The following MROH2A variants were observed in gnomAD, a reference collection of about 807,000 sequenced individuals.
MROH2A encodes the protein maestro heat like repeat family member 2A.
MROH2A carries 174 observed loss-of-function variants against 200.4 expected under a neutral mutation model. The observed-to-expected ratio is 0.87, with a 90% CI of 0.77 to 0.98. The LOEUF (loss-of-function observed/expected upper bound fraction) is 0.98, where lower values mean the gene tolerates loss of function less well. Ranked by LOEUF, MROH2A falls within the 50% of genes least tolerant of loss-of-function variation. The pLI is 0.00. For missense variants in MROH2A, 2,045 were observed against 2,139.6 expected, an observed-to-expected ratio of 0.96 and a Z score of 0.87; for synonymous variants, 829 against 840.4, an observed-to-expected ratio of 0.99 and a Z score of 0.23.
intron 3 of MROH2A, among the ~76,000 whole-genome samples, chr2:233,788,809 G>T (rs1427746027): frequency 1.3e-5 from 2 of 151,826 alleles, no homozygotes; most frequent in Non-Finnish European, 2.9e-5. Context: ...CGTGGTGGCG[G>T]GCGCCTGTAG....
Position 233,823,606 on chromosome 2 carries a change from T to G in MROH2A, c.4055T>G (p.Val1352Gly), listed in dbSNP as rs1180496640. The G allele has an allele frequency of 1.3e-6, 2 of 1,550,274 alleles. No individual in the cohort carries two copies. Among genetic ancestry groups the G allele is most frequent in the Non-Finnish European group, 1.7e-6 (2 of 1,146,958 alleles). The change falls in exon 35 of 42, where the codon GTG (valine) becomes GGG (glycine). Residue 1352 changes from valine (V) to glycine (G), a missense_variant. Transcript: ENST00000389758. ...CACAGGCAGAGGCTGGCCGAGCTGGTGCTCAGGGGCATGGACTCAGAAGTC... is the reference window on the plus strand; with the variant it reads ...CACAGGCAGAGGCTGGCCGAGCTGGGGCTCAGGGGCATGGACTCAGAAGTC... ...EGHRQRLAEL[V>G]LRGMDSEVLS...
Position 233,805,002 on chromosome 2 carries a change from A to G in MROH2A, c.1945-2A>G, listed in dbSNP as rs374106830. The G allele has an allele frequency of 6.5e-7, 1 of 1,545,726 alleles. No homozygotes were observed. Among genetic ancestry groups the G allele is most frequent in the Middle Eastern group, 1.7e-4 (1 of 5,958 alleles). ...TCTCACCAACGTCTTGTGCCTCCCC[A>G]GTTTCTGCGAAACTCCCTCAAGAAG... On this transcript the variant is annotated splice_acceptor_variant, in intron 18 of 41. Transcript: ENST00000389758. LOFTEE classifies it high-confidence loss of function.
chr2:233,785,334 C>T (rs1482476321), intron 3 of MROH2A, among the ~76,000 whole-genome samples: 3 of 151,832 alleles, frequency 2.0e-5, no homozygotes, highest in Admixed American at 6.6e-5. Flanking sequence ...ATGGTGGCAC[C>T]TGTCTGTAGT....
Position 233,807,195 on chromosome 2 carries a change from ATATGTATG to A in MROH2A, c.2053-220_2053-213del, listed in dbSNP as rs1417687737. Reference sequence around the variant, plus strand: ...CTGATATATGTATATATAAACTGATATATGTATGTATGTATATATCAGTTTCTTTATCC... The same window carrying A: ...CTGATATATGTATATATAAACTGATATATGTATATATCAGTTTCTTTATCC... On this transcript the variant is annotated intron_variant, in intron 19 of 41. Transcript: ENST00000389758. The surrounding 1 kb of genome is among the most constrained non-coding windows in gnomAD (Gnocchi z 4.3). Among the ~76,000 whole-genome samples, 1 of 152,050 alleles carries A rather than the reference ATATGTATG, an allele frequency of 6.6e-6. No homozygotes were observed. Among genetic ancestry groups the A allele is most frequent in the Non-Finnish European group, 1.5e-5 (1 of 68,022 alleles).
intron 26 of MROH2A, among the ~76,000 whole-genome samples, chr2:233,815,364 A>C (rs574424084): frequency 1.1e-4 from 16 of 152,290 alleles, no homozygotes; most frequent in Non-Finnish European, 1.2e-4. Context: ...TGGCCTTTTT[A>C]TTGATTTCCC....
chr2:233,812,136 G>A lies in MROH2A; in HGVS notation c.2651+177G>A, dbSNP rs181231302. 1.7e-3 allele frequency among the ~76,000 whole-genome samples: 263 copies of A among 152,308 alleles called. 1 individual carries two copies. Among genetic ancestry groups the A allele is most frequent in the African/African-American group, 5.9e-3 (246 of 41,562 alleles). Reference sequence around the variant, plus strand: ...GCCTAGATGATGGGGGTCGGCCTCAGCCACTCTTTTCTATAATTCTCAGCC... The same window carrying A: ...GCCTAGATGATGGGGGTCGGCCTCAACCACTCTTTTCTATAATTCTCAGCC... On this transcript the variant is annotated intron_variant, in intron 24 of 41. Transcript: ENST00000389758.
intron 8 of MROH2A, 57 bp from the exon 9 acceptor site, chr2:233,795,596 G>C: frequency 6.4e-7 from 1 of 1,550,570 alleles, no homozygotes; most frequent in Non-Finnish European, 8.7e-7. Context: ...CGAGGGTCTA[G>C]AGTTTGACCT....
intron 11 of MROH2A, among the ~76,000 whole-genome samples, chr2:233,797,813 T>C (rs143593536): frequency 1.1e-3 from 173 of 152,256 alleles, no homozygotes; most frequent in African/African-American, 4.1e-3. Flanking sequence ...CAACTCCCAC[T>C]TATGAGTGAG....
At chr2:233,810,970 C>A in intron 23 of MROH2A, 54 bp downstream of exon 23, 7 of 1,538,544 alleles carry the variant, frequency 4.5e-6, no homozygotes, top group Non-Finnish European at 6.1e-6. Context: ...GGGTCTAACT[C>A]CCTGCGGTGA....
chr2:233,827,869 C>T (rs1704421627), intron 35 of MROH2A, among the ~76,000 whole-genome samples: 1 of 151,446 alleles, frequency 6.6e-6, no homozygotes, highest in Non-Finnish European at 1.5e-5. Context: ...AGGAATTTTC[C>T]CTGAAGAGCA....
In MROH2A at chr2:233,807,366, C is replaced by T; in HGVS notation, c.2053-57C>T. The T allele has an allele frequency of 6.7e-7, 1 of 1,496,864 alleles. No individual in the cohort carries two copies. 92.7% of individuals were successfully genotyped at this position (1,496,864 alleles called of 1,614,324 possible). The stretch of plus-strand genomic sequence containing the variant: ...CGTAGAAAACTCTCTACAACAGCAC[C>T]CCCTGAAGGCTGGCTGTAGGGAGGC... On this transcript the variant is annotated intron_variant, in intron 19 of 41. Transcript: ENST00000389758. This position sits in a 1 kb window ranked among gnomAD's most constrained non-coding sequence, Gnocchi z 4.3.
intron 17 of MROH2A, 132 bp downstream of exon 17, chr2:233,804,324 G>A: frequency 7.1e-7 from 1 of 1,412,178 alleles, no homozygotes; most frequent in Non-Finnish European, 9.6e-7. Flanking sequence ...CTTTTGTCCT[G>A]AGAACTGGTT....
chr2:233,828,816 T>G lies in MROH2A; in HGVS notation c.4263+37T>G, dbSNP rs1704509511. 6.5e-7 allele frequency: 1 copy of G among 1,548,716 alleles called. No homozygotes were observed. Among genetic ancestry groups the G allele is most frequent in the Non-Finnish European group, 8.7e-7 (1 of 1,145,896 alleles). On this transcript the variant is annotated intron_variant, in intron 36 of 41. Coordinates refer to ENST00000389758, the MANE Select transcript of MROH2A (RefSeq NM_001394639.1). The surrounding 1 kb of genome is among the most constrained non-coding windows in gnomAD (Gnocchi z 4.6). Reference sequence around the variant, plus strand: ...GGCCCTGGGCCCAGGTCCCGGGAGCTGAGGGTGCAGGCCGGGTGCCCTGGT... The same window carrying G: ...GGCCCTGGGCCCAGGTCCCGGGAGCGGAGGGTGCAGGCCGGGTGCCCTGGT...
At chr2:233,830,020 G>C (rs55748077) in intron 38 of MROH2A, among the ~76,000 whole-genome samples, 43 of 152,168 alleles carry the variant, frequency 2.8e-4, no homozygotes, top group African/African-American at 9.6e-4. Context: ...CGTGTCGGGG[G>C]ACATGGTGTG....
chr2:233,802,680 C>A (rs575807414), intron 15 of MROH2A, among the ~76,000 whole-genome samples: 1 of 152,134 alleles, frequency 6.6e-6, no homozygotes, highest in African/African-American at 2.4e-5. Context: ...TATAGGCATC[C>A]CATCCTCTGT....
intron 8 of MROH2A, 115 bp downstream of exon 8, chr2:233,794,621 T>A: frequency 1.6e-6 from 1 of 635,210 alleles, no homozygotes; most frequent in South Asian, 1.9e-5. Context: ...TGACACTGTG[T>A]CAGGAACCCG....
chr2:233,830,439 G>A (rs1018401543), intron 38 of MROH2A, among the ~76,000 whole-genome samples: 3 of 152,172 alleles, frequency 2.0e-5, no homozygotes, highest in South Asian at 2.1e-4. Flanking sequence ...TTCTGCCCCC[G>A]CCTAGTAAGC....
At chr2:233,818,599 G>A (rs1000265549) in intron 28 of MROH2A, 53 bp from the exon 29 acceptor site, 2 of 1,152,520 alleles carry the variant, frequency 1.7e-6, no homozygotes, top group Non-Finnish European at 2.5e-6. Flanking sequence ...CGAAGGGGGG[G>A]TGGCTGGGCC....
In MROH2A at chr2:233,789,581, C is replaced by T; in HGVS notation, c.361C>T (p.Gln121Ter). The change falls in exon 4 of 42, where the codon CAG becomes TAG. Residue 121 changes from glutamine (Q) to a stop codon, truncating the protein, a stop_gained. Transcript: ENST00000389758. LOFTEE classifies it high-confidence loss of function. ...QEGELEEQCV[Q>*]RLVAIASKEM... is the part of the protein sequence containing the mutation. ...GGGGGAGCTGGAGGAGCAGTGCGTG[C>T]AGAGGCTGGTGGCCATTGCCTCCAA... 1 of 1,497,928 alleles carries T rather than the reference C, an allele frequency of 6.7e-7. No individual in the cohort carries two copies. Among genetic ancestry groups the T allele is most frequent in the Non-Finnish European group, 8.9e-7 (1 of 1,122,236 alleles). The allele number at this position is 1,497,928 out of a possible 1,614,324, so 92.8% of individuals were successfully genotyped here.
Sources: allele counts gnomAD v4.1 joint callset (sites outside exome capture counted in the v4.1 genomes callset), GRCh38; gene constraint gnomAD v4.1.1; non-coding constraint Gnocchi (gnomAD v3.1); transcripts MANE v1.5; gene names NCBI Gene and HGNC (gene_info 2026-07-23, HGNC 2026-07-21).